PZP: variants seen among roughly 807,000 people sequenced by gnomAD.
PZP encodes the protein pregnancy zone protein.
A neutral mutation model predicts 179.8 loss-of-function variants in PZP; 150 were observed. The observed-to-expected ratio is 0.83, with a 90% confidence interval of 0.73 to 0.96. The LOEUF (loss-of-function observed/expected upper bound fraction) is 0.96, where lower values mean the gene tolerates loss of function less well. PZP is among the 40% of genes least tolerant of loss of function. The pLI, the probability that PZP is intolerant of heterozygous loss-of-function variation, is 0.00. For missense variants in PZP, 1,689 were observed against 1,764.0 expected (o/e 0.96, Z 0.76); for synonymous variants, 624 against 652.3 (o/e 0.96, Z 0.66).
Position 9,182,132 on chromosome 12 carries a change from G to GAGTGAGACAAAACGGTCATA in PZP, c.1547-16_1547-15insTATGACCGTTTTGTCTCACT. The GAGTGAGACAAAACGGTCATA allele has an allele frequency of 6.4e-7, 1 of 1,554,330 alleles. No individual in the cohort carries two copies. Among genetic ancestry groups the GAGTGAGACAAAACGGTCATA allele is most frequent in the Non-Finnish European group, 8.7e-7 (1 of 1,146,646 alleles). ...ACTGCCTTTCACTGGAACATGGAGA[G>GAGTGAGACAAAACGGTCATA]AGTGAGACAAAATGGTCATAAGTGA... On this transcript the variant is annotated splice_polypyrimidine_tract_variant and intron_variant, in intron 13 of 35. Coordinates refer to ENST00000261336, the MANE Select transcript of PZP (RefSeq NM_002864.3).
intron 13 of PZP, among the ~76,000 whole-genome samples, chr12:9,187,237 A>G (rs920503781): frequency 6.6e-6 from 1 of 152,150 alleles, no homozygotes; most frequent in African/African-American, 2.4e-5. Flanking sequence ...CTCCCACACA[A>G]TAATATTGAG....
At chr12:9,193,081 G>C (rs1451703096) in intron 11 of PZP, among the ~76,000 whole-genome samples, 1 of 152,146 alleles carries the variant, frequency 6.6e-6, no homozygotes, top group African/African-American at 2.4e-5. Flanking sequence ...TCATGAATTG[G>C]CTTAATTAAA....
Position 9,152,894 on chromosome 12 carries a change from C to G in PZP, c.4051G>C (p.Val1351Leu), listed in dbSNP as rs761047678. 1 of 1,614,100 alleles carries G rather than the reference C, an allele frequency of 6.2e-7. No individual in the cohort carries two copies. Among genetic ancestry groups the G allele is most frequent in the Non-Finnish European group, 8.5e-7 (1 of 1,180,006 alleles). Residue 1351 changes from valine (V) to leucine (L), a missense_variant, in exon 31 of 36, where the codon GTG becomes CTG. By Grantham distance (32) the Val-to-Leu change is conservative (BLOSUM62 1). Coordinates refer to ENST00000261336, the MANE Select transcript of PZP (RefSeq NM_002864.3). ...EKEDSPFALK[V>L]QTVPQTCDGH... ...TCGCAAGTTTGGGGCACAGTCTGCA[C>G]TTTTAAAGCAAATGGGGAGTCCTCT...
At chr12:9,183,685 G>A (rs142551219) in intron 13 of PZP, among the ~76,000 whole-genome samples, 1,831 of 152,168 alleles carry the variant, frequency 0.012, 22 homozygotes, top group South Asian at 0.046. Flanking sequence ...CAATGTGCCC[G>A]GCCAAAATTT....
At chr12:9,153,639 A>T (rs769803819) in intron 29 of PZP, among the ~76,000 whole-genome samples, 1 of 152,376 alleles carries the variant, frequency 6.6e-6, no homozygotes, top group East Asian at 1.9e-4. Flanking sequence ...AGTTAAGACA[A>T]AAATAGTGAC....
intron 34 of PZP, among the ~76,000 whole-genome samples, chr12:9,149,847 T>A (rs984318644): frequency 1.3e-5 from 2 of 152,238 alleles, no homozygotes; most frequent in Non-Finnish European, 2.9e-5. Context: ...CTTGGGAAGA[T>A]GATCATAATT....
chr12:9,174,846 C>A (rs921948788), intron 15 of PZP, among the ~76,000 whole-genome samples: 1 of 152,092 alleles, frequency 6.6e-6, no homozygotes, highest in Non-Finnish European at 1.5e-5. Context: ...TCCATCCTCA[C>A]GCATAAGAAG....
rs1297196781 is a variant in PZP, at chr12:9,203,964, G to A, written c.84-13C>T. 1 of 1,599,200 alleles carries A rather than the reference G, an allele frequency of 6.3e-7. No homozygotes were observed. The highest frequency in any genetic ancestry group is 8.5e-7 in the Non-Finnish European group (1 of 1,171,952). On this transcript the variant is annotated splice_polypyrimidine_tract_variant and intron_variant, in intron 1 of 35. Coordinates refer to ENST00000261336, the MANE Select transcript of PZP (RefSeq NM_002864.3). ...CACCATATACTGCCTGGGAAAGGAAGAAGTCTAAATTAGAGAAAAACTGAT... is the reference window on the plus strand; with the variant it reads ...CACCATATACTGCCTGGGAAAGGAAAAAGTCTAAATTAGAGAAAAACTGAT...
chr12:9,158,683 A>G, intron 25 of PZP, 107 bp from the exon 26 acceptor site: 6 of 1,100,156 alleles, frequency 5.5e-6, no homozygotes, highest in Non-Finnish European at 7.4e-6. Context: ...AAGAAAGTCA[A>G]TCAGCTGTTA....
At chr12:9,171,094 T>C (rs1473267368) in intron 15 of PZP, among the ~76,000 whole-genome samples, 2 of 152,220 alleles carry the variant, frequency 1.3e-5, no homozygotes, top group Non-Finnish European at 2.9e-5. Flanking sequence ...AACAGTTGCA[T>C]GTGGGCTGGC....
At chr12:9,203,144 G>T (rs1243023376) in intron 2 of PZP, among the ~76,000 whole-genome samples, 1 of 152,058 alleles carries the variant, frequency 6.6e-6, no homozygotes, top group African/African-American at 2.4e-5. Flanking sequence ...TGTCCAGCCC[G>T]ATCCTTAAAG....
At chr12:9,164,590 CT>C (rs1488729592) in intron 19 of PZP, among the ~76,000 whole-genome samples, 20 of 152,134 alleles carry the variant, frequency 1.3e-4, no homozygotes, top group Non-Finnish European at 1.9e-4. Context: ...TTCTTCCTTC[CT>C]TTCTTCTCCT....
Position 9,202,540 on chromosome 12 carries a change from T to C in PZP, c.412A>G (p.Lys138Glu). The change falls in exon 3 of 36, where the codon AAA becomes GAA. Residue 138 changes from lysine to glutamate, a missense_variant. Physicochemically the swap from Lys to Glu is moderately conservative, Grantham distance 56. Coordinates refer to ENST00000261336, the MANE Select transcript of PZP (RefSeq NM_002864.3). ...VFVQTDKPMY[K>E]PGQTVRFRVV... ...CCCTACTTACCTGTCTGTCCTGGTT[T>C]ATACATGGGTTTGTCTGTCTGGACA... 6.2e-7 allele frequency: 1 copy of C among 1,614,122 alleles called. No homozygotes were observed. Among genetic ancestry groups the C allele is most frequent in the South Asian group, 1.1e-5 (1 of 91,062 alleles).
At chr12:9,162,328 C>T in intron 22 of PZP, 1 of 340,888 alleles carries the variant, frequency 2.9e-6, no homozygotes, top group Admixed American at 4.9e-5. Context: ...TGTCAGTGAG[C>T]AGCCACTGGG....
In PZP at chr12:9,166,141, G is replaced by C. The variant is rs774863397; in HGVS notation, c.2169C>G (p.Pro723=). The C allele has an allele frequency of 1.2e-6, 2 of 1,613,816 alleles. No individual in the cohort carries two copies. The highest frequency in any genetic ancestry group is 1.7e-6 in the Non-Finnish European group (2 of 1,179,958). ...GCCCTGAACTTTGTTCATTATTTAA[G>C]GGTATCACATTATATGTGCCTAATT... is the stretch of plus-strand genomic sequence containing the variant. ...VPQLGTYNVI[P]LNNEQSSGPV... The change falls in exon 18 of 36, where the codon CCC becomes CCG. Residue 723 remains proline, a synonymous_variant. Transcript: ENST00000261336.
downstream of PZP, among the ~76,000 whole-genome samples, chr12:9,148,503 C>G (rs1940126573): frequency 6.6e-6 from 1 of 152,088 alleles, no homozygotes; most frequent in South Asian, 2.1e-4. Context: ...CTAAAATGCA[C>G]TTTAATTATC....
At chr12:9,153,540 A>G (rs1940524562) in intron 29 of PZP, among the ~76,000 whole-genome samples, 197 bp from the exon 30 acceptor site, 1 of 152,242 alleles carries the variant, frequency 6.6e-6, no homozygotes, top group Admixed American at 6.5e-5. Flanking sequence ...AATGAAATAA[A>G]AGGCTAATAA....
chr12:9,175,954 C>T (rs1746114538), intron 15 of PZP, among the ~76,000 whole-genome samples: 1 of 152,140 alleles, frequency 6.6e-6, no homozygotes, highest in Non-Finnish European at 1.5e-5. Context: ...AATTCCATTA[C>T]TGGGTGTATA....
chr12:9,138,929 A>G, the PZP span, among the ~76,000 whole-genome samples: 2 of 147,838 alleles, frequency 1.4e-5, no homozygotes, highest in East Asian at 4.0e-4. Flanking sequence ...TTCTTGTTTT[A>G]TTTATTTCTT....
Sources: allele counts gnomAD v4.1 joint callset (sites outside exome capture counted in the v4.1 genomes callset), GRCh38; gene constraint gnomAD v4.1.1; transcripts MANE v1.5; gene names NCBI Gene and HGNC (gene_info 2026-07-23, HGNC 2026-07-21).